The following BCAS3 variants were observed in gnomAD, a reference collection of about 807,000 sequenced individuals.
The protein encoded by BCAS3 is BCAS3 microtubule associated cell migration factor, also known as BCAS4/BCAS3 fusion.
A neutral mutation model predicts 116.1 loss-of-function variants in BCAS3; 53 were observed. The observed-to-expected ratio is 0.46, with a 90% CI of 0.37 to 0.57. BCAS3 has a LOEUF of 0.57. Ranked by LOEUF, BCAS3 falls within the 20% of genes least tolerant of loss-of-function variation. The probability of loss-of-function intolerance (pLI) is 0.00; values close to 1 mark genes in which losing one functional copy is unlikely to be tolerated. For missense variants in BCAS3, 917 were observed against 1,165.4 expected (o/e 0.79, Z 3.10); for synonymous variants, 391 against 408.2 (o/e 0.96, Z 0.51).
rs935490603 is a variant in BCAS3, at chr17:61,064,941, G to A, written c.2030-9979G>A. Among the ~76,000 whole-genome samples the A allele has an allele frequency of 2.6e-5, 4 of 152,192 alleles. 1 individual carries two copies. The highest frequency in any genetic ancestry group is 2.6e-4 in the Admixed American group (4 of 15,294). ...AACAGAACAGCCAGTGATATTCTGT[G>A]GAATTGCTTTACTGCTCTGTGTATT... On this transcript the variant is annotated intron_variant, in intron 19 of 23. Transcript: ENST00000407086.
chr17:61,231,975 G>T (rs1406259557), intron 22 of BCAS3, among the ~76,000 whole-genome samples: 3 of 151,338 alleles, frequency 2.0e-5, no homozygotes, highest in Admixed American at 2.0e-4. Flanking sequence ...GGGAGGCCGA[G>T]GGGGGTGGAT....
intron 7 of BCAS3, among the ~76,000 whole-genome samples, chr17:60,820,145 A>G (rs2144677129): frequency 6.7e-6 from 1 of 150,272 alleles, no homozygotes; most frequent in African/African-American, 2.5e-5. Context: ...ATCTTGGCTC[A>G]CTGCAAGCTC....
intron 22 of BCAS3, among the ~76,000 whole-genome samples, chr17:61,283,346 C>T (rs1259898357): frequency 6.6e-6 from 1 of 152,156 alleles, no homozygotes; most frequent in Non-Finnish European, 1.5e-5. Flanking sequence ...AGCTCATTCT[C>T]CCTATTATAT....
At position 61,366,296 on chromosome 17, in the gene BCAS3, G is replaced by A. The variant is rs1321007872; in HGVS notation, c.2426-2031G>A. ...TGTCAAATAAGGTCTAGTGGGGGAA[G>A]TGCTGGAAGTGGGGACTTTGCTTAA... On this transcript the variant is annotated intron_variant, in intron 22 of 23. Coordinates refer to ENST00000407086, the MANE Select transcript of BCAS3 (RefSeq NM_017679.5). The surrounding 1 kb of genome is among the most constrained non-coding windows in gnomAD (Gnocchi z 4.5). Among the ~76,000 whole-genome samples the A allele has an allele frequency of 6.6e-6, 1 of 152,222 alleles. No individual in the cohort carries two copies. Among genetic ancestry groups the A allele is most frequent in the East Asian group, 1.9e-4 (1 of 5,190 alleles).
Position 61,026,733 on chromosome 17 carries a change from A to G in BCAS3, c.1638-7933A>G. On this transcript the variant is annotated intron_variant, in intron 16 of 23. Transcript: ENST00000407086. The surrounding 1 kb of genome is among the most constrained non-coding windows in gnomAD (Gnocchi z 5.0). ...GGTTATATCAGACAGTATGTACAGC[A>G]GAATTGTAAATGATTACTAATTTTT... 1.2e-6 allele frequency: 1 copy of G among 811,814 alleles called. No homozygotes were observed. Among genetic ancestry groups the G allele is most frequent in the Non-Finnish European group, 2.0e-6 (1 of 491,496 alleles). The allele number at this position is 811,814 out of a possible 1,614,324, so 50.3% of individuals were successfully genotyped here. A position where few individuals can be genotyped will look rare whatever the true frequency, so the allele number is the denominator to read the frequency against.
rs61167853 is a variant in BCAS3 at position 61,362,387 on chromosome 17, G to A, written c.2426-5940G>A. Among the ~76,000 whole-genome samples, 2,067 of 152,310 alleles carry A rather than the reference G, an allele frequency of 0.014. 50 individuals are homozygous for A. Among genetic ancestry groups the A allele is most frequent in the African/African-American group, 0.047 (1,972 of 41,554 alleles). On this transcript the variant is annotated intron_variant, in intron 22 of 23. Transcript: ENST00000407086. This position sits in a 1 kb window ranked among gnomAD's most constrained non-coding sequence, Gnocchi z 4.4. ...TCCCTGGTGGTTAGAAATCTGATCAGCAGGCTCTCAGCAAAATCCAAACCT... is the reference window on the plus strand; with the variant it reads ...TCCCTGGTGGTTAGAAATCTGATCAACAGGCTCTCAGCAAAATCCAAACCT...
At chr17:60,683,364 T>C (rs533059465) in intron 2 of BCAS3, among the ~76,000 whole-genome samples, 14 of 152,276 alleles carry the variant, frequency 9.2e-5, no homozygotes, top group African/African-American at 3.1e-4. Context: ...AGAAGCTATC[T>C]CTATCAAATT....
chr17:60,784,588 C>T lies in BCAS3; in HGVS notation c.404-23416C>T, dbSNP rs564193427. Among the ~76,000 whole-genome samples the T allele has an allele frequency of 6.0e-5, 9 of 151,188 alleles. No homozygotes were observed. In the South Asian group the frequency reaches 1.9e-3, roughly 32 times the overall value. The stretch of plus-strand genomic sequence containing the variant: ...AAAGTGCTGGGATTACAGGCGTGAG[C>T]CACTGCGCCCAGCCAACAAAAAATG... On this transcript the variant is annotated intron_variant, in intron 6 of 23. Coordinates refer to ENST00000407086, the MANE Select transcript of BCAS3 (RefSeq NM_017679.5).
intron 22 of BCAS3, among the ~76,000 whole-genome samples, chr17:61,173,373 C>T (rs1487883397): frequency 2.0e-5 from 3 of 151,070 alleles, no homozygotes; most frequent in South Asian, 2.1e-4. Flanking sequence ...CATTTGAACC[C>T]GAGAGGCAGA....
chr17:61,069,834 TAAAAAAA>T, intron 19 of BCAS3: 19 of 606,032 alleles, frequency 3.1e-5, no homozygotes, highest in Admixed American at 8.8e-5. Flanking sequence ...AGACCCTGTG[TAAAAAAA>T]AAAAAAAAAA....
At chr17:60,866,196 A>G (rs1323922222) in intron 7 of BCAS3, among the ~76,000 whole-genome samples, 5 of 151,800 alleles carry the variant, frequency 3.3e-5, no homozygotes, top group Admixed American at 2.6e-4. Flanking sequence ...CAGTGATGCA[A>G]TCTCGGCTCA....
intron 22 of BCAS3, among the ~76,000 whole-genome samples, chr17:61,194,440 A>T (rs1055491438): frequency 6.6e-6 from 1 of 152,064 alleles, no homozygotes; most frequent in Non-Finnish European, 1.5e-5. Flanking sequence ...GTGAGGAGTC[A>T]TAAAGATATA....
At chr17:60,703,916 C>CAA (rs539490885) in intron 4 of BCAS3, among the ~76,000 whole-genome samples, 90 of 71,422 alleles carry the variant, frequency 1.3e-3, no homozygotes, top group African/African-American at 5.2e-3. Flanking sequence ...GACACCGTCT[C>CAA]AAAAAAAAAA....
Position 61,128,740 on chromosome 17 carries a change from T to C in BCAS3, c.2425+44176T>C. 1 of 468,614 alleles carries C rather than the reference T, an allele frequency of 2.1e-6. No individual in the cohort carries two copies. The highest frequency in any genetic ancestry group is 2.8e-6 in the Non-Finnish European group (1 of 357,890). The allele number at this position is 468,614 out of a possible 1,614,324, so 29.0% of individuals were successfully genotyped here. On this transcript the variant is annotated intron_variant, in intron 22 of 23. Transcript: ENST00000407086. The surrounding 1 kb of genome is among the most constrained non-coding windows in gnomAD (Gnocchi z 4.1). The stretch of plus-strand genomic sequence containing the variant: ...ACAACATGATTTTGCATTTACATCA[T>C]CGTGCTAGCTGGTAGAATTTTTTCC...
chr17:61,323,582 C>T lies in BCAS3; in HGVS notation c.2426-44745C>T, dbSNP rs1373314359. Among the ~76,000 whole-genome samples the T allele has an allele frequency of 1.3e-5, 2 of 152,172 alleles. No individual in the cohort carries two copies. Among genetic ancestry groups the T allele is most frequent in the African/African-American group, 4.8e-5 (2 of 41,444 alleles). ...TGCTTTGAGAAATATCTTAGCTGTT[C>T]TCAAAATTATAAACTCGGGAGTGTG... is the stretch of plus-strand genomic sequence containing the variant. On this transcript the variant is annotated intron_variant, in intron 22 of 23. Transcript: ENST00000407086. The surrounding 1 kb of genome is among the most constrained non-coding windows in gnomAD (Gnocchi z 4.6).
At chr17:61,242,186 G>T (rs1446988920) in intron 22 of BCAS3, among the ~76,000 whole-genome samples, 1 of 150,560 alleles carries the variant, frequency 6.6e-6, no homozygotes, top group Non-Finnish European at 1.5e-5. Context: ...TGAGGCAAGA[G>T]AATTGCTTGA....
chr17:61,046,010 A>AT (rs1156496784), intron 19 of BCAS3, among the ~76,000 whole-genome samples: 1 of 10,018 alleles, frequency 1.0e-4, no homozygotes, highest in Non-Finnish European at 1.4e-4. Context: ...TAATATATAT[A>AT]TTTATATATA....
intron 19 of BCAS3, chr17:61,070,270 A>T (rs754420911): frequency 2.1e-5 from 30 of 1,458,728 alleles, no homozygotes; most frequent in Non-Finnish European, 2.8e-5. Flanking sequence ...TGATGGAGAG[A>T]AGAAGGCATA....
chr17:60,746,392 AC>A (rs2042016437), intron 5 of BCAS3, among the ~76,000 whole-genome samples: 1 of 152,138 alleles, frequency 6.6e-6, no homozygotes, highest in Non-Finnish European at 1.5e-5. Flanking sequence ...TTCACACTCA[AC>A]ACATATTACC....
Sources: gnomAD v4.1 joint callset for allele counts (sites outside exome capture counted in the v4.1 genomes callset) on GRCh38, gnomAD v4.1.1 for gene constraint, Gnocchi (gnomAD v3.1) non-coding constraint, MANE v1.5 for transcripts, NCBI Gene and HGNC (gene_info 2026-07-23, HGNC 2026-07-21) for gene names.